Variants in PTGER3 observed in about 807,000 individuals in gnomAD.
PTGER3 encodes prostaglandin E receptor 3, also known as prostaglandin E2 receptor EP3 subtype.
A neutral mutation model predicts 34.7 loss-of-function variants in PTGER3; 22 were observed. The ratio of observed to expected loss-of-function variants is 0.63; its 90% CI spans 0.45 to 0.91. The LOEUF (loss-of-function observed/expected upper bound fraction) is 0.91, where lower values mean the gene tolerates loss of function less well. Among genes scored for constraint, PTGER3 ranks in the 40% least tolerant of loss-of-function variants. The probability of loss-of-function intolerance (pLI) is 0.00; values close to 1 mark genes in which losing one functional copy is unlikely to be tolerated. For synonymous variants in PTGER3, 241 were observed against 230.1 expected, an observed-to-expected ratio of 1.05 and a Z score of -0.43; for missense variants, 468 against 519.4, an observed-to-expected ratio of 0.90 and a Z score of 0.96.
chr1:70,895,761 A>G (rs1408632823), intron 4 of PTGER3, among the ~76,000 whole-genome samples: 1 of 152,228 alleles, frequency 6.6e-6, no homozygotes, highest in African/African-American at 2.4e-5. Context: ...AGGTAACAGC[A>G]TAAGCTCTTG....
chr1:70,947,002 A>C (rs1382653415), intron 4 of PTGER3, among the ~76,000 whole-genome samples: 1 of 151,876 alleles, frequency 6.6e-6, no homozygotes, highest in Non-Finnish European at 1.5e-5. Flanking sequence ...AAAGGAATAA[A>C]CTCAAGAGTT....
At chr1:70,984,950 A>T (rs866393219) in intron 2 of PTGER3, among the ~76,000 whole-genome samples, 1 of 152,174 alleles carries the variant, frequency 6.6e-6, no homozygotes, top group Non-Finnish European at 1.5e-5. Flanking sequence ...TGAATTGGTG[A>T]TAATATTGTC....
chr1:70,900,932 T>G (rs1346874913), intron 4 of PTGER3, among the ~76,000 whole-genome samples: 1 of 152,096 alleles, frequency 6.6e-6, no homozygotes, highest in Non-Finnish European at 1.5e-5. Context: ...GATGGACCAG[T>G]AGGAGGAAAC....
At chr1:71,001,304 G>A (rs1463025586) in intron 2 of PTGER3, among the ~76,000 whole-genome samples, 1 of 152,122 alleles carries the variant, frequency 6.6e-6, no homozygotes, top group East Asian at 1.9e-4. Context: ...CTTACTCTTT[G>A]TTACAAGAGT....
chr1:70,880,631 A>C (rs560593244), intron 4 of PTGER3, among the ~76,000 whole-genome samples: 1 of 151,280 alleles, frequency 6.6e-6, no homozygotes, highest in East Asian at 2.0e-4. Context: ...CGGAGGTTGC[A>C]GTGAGCTGAG....
At position 71,029,164 on chromosome 1, in the gene PTGER3, C is replaced by T. The variant is rs138838229; in HGVS notation, c.898-16680G>A. Among the ~76,000 whole-genome samples, 245 of 152,284 alleles carry T rather than the reference C, an allele frequency of 1.6e-3. 1 individual carries two copies. Among genetic ancestry groups the T allele is most frequent in the Non-Finnish European group, 3.1e-3 (208 of 68,028 alleles). ...GATTTATACCTTGATCTTCTTATTC[C>T]TATTCTAGTGTCCTTTTCACTTAAT... On this transcript the variant is annotated intron_variant, in intron 1 of 3. Transcript: ENST00000306666.
intron 4 of PTGER3, among the ~76,000 whole-genome samples, chr1:70,873,649 G>GT (rs1557620375): frequency 7.1e-5 from 10 of 141,272 alleles, no homozygotes; most frequent in South Asian, 2.3e-4. Flanking sequence ...TATGTGAGGT[G>GT]CTTTTTTTTT....
downstream of PTGER3, among the ~76,000 whole-genome samples, chr1:70,949,317 C>T (rs768186183): frequency 6.6e-5 from 10 of 152,216 alleles, no homozygotes; most frequent in South Asian, 2.1e-4. Context: ...AATCATCAAG[C>T]GACATTAAAT....
chr1:71,047,178 C>A lies in PTGER3; in HGVS notation c.400G>T (p.Gly134Trp). 1 of 1,600,172 alleles carries A rather than the reference C, an allele frequency of 6.2e-7. No individual in the cohort carries two copies. The highest frequency in any genetic ancestry group is 2.3e-5 in the East Asian group (1 of 44,096). The change falls in exon 1 of 4, where the codon GGG becomes TGG. Residue 134 changes from glycine to tryptophan, a missense_variant. Gly to Trp is a radical substitution (Grantham distance 184). This residue lies in a region of PTGER3 where 53 missense variants were observed against 93.9 expected (regional missense o/e 0.56). Transcript: ENST00000306666. ...AGCCCGAAAACAGTCATGGTCAGCC[C>A]GAAAAAGGTGCAGAGCCGCCCCGAC... ...DPSGRLCTFF[G>W]LTMTVFGLSS...
At chr1:70,863,933 T>C (rs1645985484) in intron 4 of PTGER3, among the ~76,000 whole-genome samples, 2 of 152,256 alleles carry the variant, frequency 1.3e-5, no homozygotes, top group South Asian at 4.1e-4. Context: ...TAGCATGTCA[T>C]TCAGTAGGCA....
At position 70,925,675 on chromosome 1, in the gene PTGER3, T is replaced by C. The variant is rs72934225; in HGVS notation, c.*23+28088A>G. On this transcript the variant is annotated intron_variant, in intron 4 of 4. Coordinates refer to the PTGER3 transcript ENST00000370931. The stretch of plus-strand genomic sequence containing the variant: ...AACAAACTAAACAACATAATATTTA[T>C]AAATAAATACATATGTTGTAAATAC... 3.3e-3 allele frequency among the ~76,000 whole-genome samples: 501 copies of C among 152,230 alleles called. 2 individuals carry two copies. The highest frequency in any genetic ancestry group is 0.012 in the African/African-American group (487 of 41,558).
intron 4 of PTGER3, among the ~76,000 whole-genome samples, chr1:70,926,363 T>C (rs1412097143): frequency 6.6e-6 from 1 of 152,176 alleles, no homozygotes; most frequent in East Asian, 1.9e-4. Context: ...CATTGAGCAG[T>C]GGTTTATAGT....
intron 4 of PTGER3, among the ~76,000 whole-genome samples, chr1:70,897,208 T>TAGGGACAGTAGCA (rs1268887609): frequency 1.1e-4 from 16 of 152,276 alleles, no homozygotes; most frequent in Non-Finnish European, 1.8e-4. Flanking sequence ...GAGGTATGTT[T>TAGGGACAGTAGCA]TATCTGATTA....
chr1:71,027,173 A>AT (rs992284119), intron 1 of PTGER3, among the ~76,000 whole-genome samples: 1 of 151,922 alleles, frequency 6.6e-6, no homozygotes, highest in South Asian at 2.1e-4. Context: ...TTCTTTTGTT[A>AT]TTTTTTTTAA....
chr1:71,011,705 G>A (rs565450638), intron 2 of PTGER3: 7 of 974,942 alleles, frequency 7.2e-6, no homozygotes, highest in South Asian at 4.7e-5. Context: ...TAATGGTATC[G>A]ATGAATATTA....
chr1:70,915,314 C>T (rs1169063144), intron 4 of PTGER3, among the ~76,000 whole-genome samples: 1 of 151,744 alleles, frequency 6.6e-6, no homozygotes, highest in Non-Finnish European at 1.5e-5. Context: ...GTTAAATTAT[C>T]TATGCCTATT....
intron 1 of PTGER3, among the ~76,000 whole-genome samples, chr1:71,046,238 G>A (rs1374110222): frequency 6.6e-4 from 94 of 142,044 alleles, no homozygotes; most frequent in African/African-American, 2.3e-3. Flanking sequence ...GTGAGCCGAG[G>A]CTGCGCCACT....
At chr1:71,042,768 T>G (rs1374562327) in intron 1 of PTGER3, among the ~76,000 whole-genome samples, 1 of 152,122 alleles carries the variant, frequency 6.6e-6, no homozygotes, top group Non-Finnish European at 1.5e-5. Flanking sequence ...CATCAGTGAC[T>G]CCTTAACTAA....
chr1:70,932,139 T>G (rs562925258), intron 4 of PTGER3, among the ~76,000 whole-genome samples: 1 of 152,296 alleles, frequency 6.6e-6, no homozygotes, highest in East Asian at 1.9e-4. Context: ...CCCACCAGTT[T>G]CTTTGCTAAA....
Sources: gnomAD v4.1 joint callset for allele counts (sites outside exome capture counted in the v4.1 genomes callset) on GRCh38, gnomAD v4.1.1 for gene constraint, gnomAD v4.1.1 regional missense constraint, MANE v1.5 for transcripts, NCBI Gene and HGNC (gene_info 2026-07-23, HGNC 2026-07-21) for gene names.